The following VPS13A variants were observed in gnomAD, a reference collection of about 807,000 sequenced individuals.
VPS13A encodes the protein vacuolar protein sorting 13 homolog A.
Under a neutral mutation model 390.9 loss-of-function variants are expected in VPS13A, and 264 were observed. The observed-to-expected ratio is 0.68, with a 90% CI of 0.61 to 0.75. The LOEUF (loss-of-function observed/expected upper bound fraction) is 0.75, where lower values mean the gene tolerates loss of function less well. VPS13A is among the 30% of genes least tolerant of loss of function. The probability of loss-of-function intolerance (pLI) is 0.00; values close to 1 mark genes in which losing one functional copy is unlikely to be tolerated. For synonymous variants in VPS13A, 1,231 were observed against 1,227.1 expected (o/e 1.00, Z -0.07); for missense variants, 3,409 against 3,733.9 (o/e 0.91, Z 2.27).
intron 1 of VPS13A, among the ~76,000 whole-genome samples, chr9:77,191,154 C>G (rs1824658386): frequency 6.6e-6 from 1 of 151,996 alleles, no homozygotes; most frequent in South Asian, 2.1e-4. Flanking sequence ...TTATATCTTT[C>G]TAACATTTTG....
chr9:77,359,983 G>A (rs539033853), intron 58 of VPS13A, among the ~76,000 whole-genome samples: 8 of 151,816 alleles, frequency 5.3e-5, no homozygotes, highest in Admixed American at 2.0e-4. Flanking sequence ...TAATATTTTC[G>A]TCTTCACTCA....
At chr9:77,410,087 A>G (rs898734493) in intron 71 of VPS13A, among the ~76,000 whole-genome samples, 1 of 152,212 alleles carries the variant, frequency 6.6e-6, no homozygotes, top group Non-Finnish European at 1.5e-5. Context: ...TCAGACTAAT[A>G]GCTGATCTCT....
At chr9:77,217,713 C>T (rs1438616635) in intron 10 of VPS13A, among the ~76,000 whole-genome samples, 1 of 151,846 alleles carries the variant, frequency 6.6e-6, no homozygotes, top group Non-Finnish European at 1.5e-5. Context: ...TGTTGATGGA[C>T]ACTTTGGTTG....
chr9:77,220,027 A>G lies in VPS13A; in HGVS notation c.828A>G (p.Lys276=), dbSNP rs769730710. Residue 276 remains lysine, a synonymous_variant, in exon 11 of 72, where the codon AAA becomes AAG. Coordinates refer to ENST00000360280, the MANE Select transcript of VPS13A (RefSeq NM_033305.3). ...RRSDFDFSAP[K]INLEIELHNI... is the part of the protein sequence containing the mutation. Reference sequence around the variant, plus strand: ...CTGATTTTGACTTTTCTGCCCCCAAAATAAACTTGGAAATTGAGTTACATA... The same window carrying G: ...CTGATTTTGACTTTTCTGCCCCCAAGATAAACTTGGAAATTGAGTTACATA... 1 of 1,613,148 alleles carries G rather than the reference A, an allele frequency of 6.2e-7. No homozygotes were observed. Among genetic ancestry groups the G allele is most frequent in the Non-Finnish European group, 8.5e-7 (1 of 1,179,418 alleles).
intron 52 of VPS13A, among the ~76,000 whole-genome samples, chr9:77,349,482 G>A (rs1177614782): frequency 2.0e-5 from 3 of 152,020 alleles, no homozygotes; most frequent in South Asian, 2.1e-4. Context: ...ATAGGTTCCC[G>A]ATGTCAGTTG....
At chr9:77,399,744 C>T (rs1834289739) in intron 68 of VPS13A, among the ~76,000 whole-genome samples, 1 of 152,124 alleles carries the variant, frequency 6.6e-6, no homozygotes, top group Admixed American at 6.5e-5. Context: ...CTTCTGCCTC[C>T]ACCATTATGC....
intron 50 of VPS13A, among the ~76,000 whole-genome samples, chr9:77,343,898 T>C (rs1440065226): frequency 6.6e-6 from 1 of 152,214 alleles, no homozygotes; most frequent in Non-Finnish European, 1.5e-5. Context: ...CATTAAAGTC[T>C]CTTTTCTCGC....
At chr9:77,331,882 T>C in intron 45 of VPS13A, 128 bp from the exon 46 acceptor site, 2 of 636,268 alleles carry the variant, frequency 3.1e-6, no homozygotes, top group Non-Finnish European at 5.6e-6. Flanking sequence ...TCTTTTCTAA[T>C]TTATATAAGC....
chr9:77,332,730 CTT>C (rs1451614804), intron 46 of VPS13A, among the ~76,000 whole-genome samples: 2 of 152,090 alleles, frequency 1.3e-5, no homozygotes, highest in Admixed American at 1.3e-4. Flanking sequence ...AAAATAATCT[CTT>C]ATGTGGAAAT....
At chr9:77,399,346 A>C (rs1834275412) in intron 68 of VPS13A, among the ~76,000 whole-genome samples, 1 of 152,170 alleles carries the variant, frequency 6.6e-6, no homozygotes. Context: ...GCTCTTACTT[A>C]TACCAGATGC....
At chr9:77,198,574 C>A (rs943789124) in intron 1 of VPS13A, among the ~76,000 whole-genome samples, 6 of 151,922 alleles carry the variant, frequency 3.9e-5, no homozygotes, top group Non-Finnish European at 8.8e-5. Context: ...TTTTTTAAAT[C>A]TTTTTGCTTT....
intron 5 of VPS13A, among the ~76,000 whole-genome samples, chr9:77,207,742 T>C (rs1254638276): frequency 6.6e-6 from 1 of 152,154 alleles, no homozygotes; most frequent in African/African-American, 2.4e-5. Flanking sequence ...CTGCTCCTTA[T>C]ACAGATTTAA....
At chr9:77,400,655 T>A (rs1834343870) in intron 68 of VPS13A, among the ~76,000 whole-genome samples, 1 of 151,506 alleles carries the variant, frequency 6.6e-6, no homozygotes, top group Admixed American at 6.6e-5. Context: ...AAACCCCGTC[T>A]CTACTAAAAA....
intron 1 of VPS13A, among the ~76,000 whole-genome samples, chr9:77,194,171 C>A (rs1223695916): frequency 6.6e-6 from 1 of 151,946 alleles, no homozygotes; most frequent in African/African-American, 2.4e-5. Context: ...CAAAACAGTG[C>A]GGGGAAGCTG....
intron 68 of VPS13A, chr9:77,382,983 T>A: frequency 1.0e-6 from 1 of 985,290 alleles, no homozygotes; most frequent in Non-Finnish European, 1.2e-6. Context: ...GAATACTAAA[T>A]TAAATCATTT....
At chr9:77,389,835 T>G (rs1188504233) in intron 68 of VPS13A, 2 of 152,320 alleles carry the variant, frequency 1.3e-5, no homozygotes, top group Non-Finnish European at 2.9e-5. Context: ...TTTCAGGTAT[T>G]TTTGAATTTA....
At chr9:77,260,572 G>A (rs1825703502) in intron 23 of VPS13A, among the ~76,000 whole-genome samples, 1 of 151,684 alleles carries the variant, frequency 6.6e-6, no homozygotes, top group Non-Finnish European at 1.5e-5. Flanking sequence ...AGCCAGGATG[G>A]TCTCGGTCTC....
chr9:77,212,322 CCT>C (rs1292740520), intron 7 of VPS13A, among the ~76,000 whole-genome samples: 3 of 152,102 alleles, frequency 2.0e-5, no homozygotes, highest in Admixed American at 1.3e-4. Flanking sequence ...ACTTCAGTTG[CCT>C]GAATGTGCCA....
chr9:77,292,180 C>G (rs1827709653), intron 31 of VPS13A, among the ~76,000 whole-genome samples: 1 of 152,154 alleles, frequency 6.6e-6, no homozygotes, highest in African/African-American at 2.4e-5. Flanking sequence ...TTCCCACTTG[C>G]ACCCATCTCC....
Sources: allele counts gnomAD v4.1 joint callset (sites outside exome capture counted in the v4.1 genomes callset), GRCh38; gene constraint gnomAD v4.1.1; transcripts MANE v1.5; gene names NCBI Gene and HGNC (gene_info 2026-07-23, HGNC 2026-07-21).